The following POLA1 variants were observed in gnomAD, a reference collection of about 807,000 sequenced individuals.
The protein encoded by POLA1 is DNA polymerase alpha 1, catalytic subunit, also known as DNA polymerase alpha catalytic subunit.
A neutral mutation model predicts 124.0 loss-of-function variants in POLA1; 15 were observed. The ratio of observed to expected loss-of-function variants is 0.12; its 90% CI spans 0.08 to 0.19. The LOEUF (loss-of-function observed/expected upper bound fraction) is 0.19, where lower values mean the gene tolerates loss of function less well. Ranked by LOEUF, POLA1 falls within the 10% of genes least tolerant of loss-of-function variation. POLA1 has a pLI of 1.00. For missense variants in POLA1, 886 were observed against 1,103.4 expected (o/e 0.80, Z 2.79); for synonymous variants, 408 against 389.4 (o/e 1.05, Z -0.56).
chrX:24,704,970 A>G lies in POLA1; in HGVS notation c.346+501A>G, dbSNP rs1353444786. Among the ~76,000 whole-genome samples the G allele has an allele frequency of 4.5e-5, 5 of 111,515 alleles. No homozygotes were observed. The Admixed American group carries it at 4.8e-4, about 11-fold the overall frequency. ...TTGGCAATTTTTTTTTGAGTAAACA[A>G]TCCTGATTTAGTTCCTGTAAAATGG... On this transcript the variant is annotated intron_variant, in intron 4 of 36. Transcript: ENST00000379068.
chrX:24,701,778 T>A (rs1014005705), intron 2 of POLA1, among the ~76,000 whole-genome samples: 4 of 102,910 alleles, frequency 3.9e-5, no homozygotes, highest in Non-Finnish European at 5.9e-5. Context: ...TTTTTTTTTT[T>A]AATCTCGCTC....
At chrX:24,788,759 A>G (rs1411369504) in intron 26 of POLA1, 1 of 1,202,917 alleles carries the variant, frequency 8.3e-7, no homozygotes, top group Admixed American at 2.2e-5. Flanking sequence ...ATCAGATCCA[A>G]AGAGGTCAAT....
At chrX:24,880,435 G>A (rs779523043) in intron 34 of POLA1, among the ~76,000 whole-genome samples, 2 of 112,018 alleles carry the variant, frequency 1.8e-5, no homozygotes, top group Non-Finnish European at 3.8e-5. Context: ...GTTAGTTTAT[G>A]TATTTATTTT....
Position 24,724,362 on chromosome X carries a change from A to G in POLA1, c.1228A>G (p.Thr410Ala). 1 of 1,136,381 alleles carries G rather than the reference A, an allele frequency of 8.8e-7. No individual in the cohort carries two copies. The highest frequency in any genetic ancestry group is 1.2e-6 in the Non-Finnish European group (1 of 832,087). The allele number at this position is 1,136,381 out of a possible 1,213,427, so 93.7% of individuals were successfully genotyped here. ...AATTGATCTAAATACGGGGAAAGAA[A>G]CAGGAACTCCAATTTCAATGAAGGA... is the stretch of plus-strand genomic sequence containing the variant. ...MKIDLNTGKE[T>A]GTPISMKDVY... is the part of the protein sequence containing the mutation. The change falls in exon 12 of 37, where the codon ACA becomes GCA. Residue 410 changes from threonine to alanine, a missense_variant. Physicochemically the swap from Thr to Ala is moderately conservative, Grantham distance 58. Transcript: ENST00000379068.
chrX:24,803,012 A>G (rs2045742771), intron 26 of POLA1, among the ~76,000 whole-genome samples: 1 of 111,542 alleles, frequency 9.0e-6, no homozygotes, highest in South Asian at 3.8e-4. Flanking sequence ...AAAAAATAAC[A>G]ATAATAAAAT....
chrX:24,782,768 C>T (rs1010204444), intron 26 of POLA1, among the ~76,000 whole-genome samples: 2 of 111,273 alleles, frequency 1.8e-5, no homozygotes, highest in African/African-American at 6.5e-5. Flanking sequence ...TTACTGATGC[C>T]AAACCCTTAT....
intron 36 of POLA1, among the ~76,000 whole-genome samples, chrX:24,973,817 T>C (rs1264609492): frequency 2.7e-5 from 3 of 111,568 alleles, no homozygotes; most frequent in Non-Finnish European, 3.8e-5. Context: ...ATGTACTGTT[T>C]TCCTAGTTGG....
chrX:24,764,486 C>T (rs1400460062), intron 26 of POLA1, among the ~76,000 whole-genome samples: 1 of 112,014 alleles, frequency 8.9e-6, no homozygotes, highest in Non-Finnish European at 1.9e-5. Flanking sequence ...TGATTTAAAA[C>T]TGATTTTCTT....
chrX:24,882,904 T>A (rs755240740), intron 34 of POLA1, among the ~76,000 whole-genome samples: 1 of 111,885 alleles, frequency 8.9e-6, no homozygotes, highest in Admixed American at 9.5e-5. Context: ...AGCTCTTTTT[T>A]AAGTTCTTTG....
intron 36 of POLA1, among the ~76,000 whole-genome samples, chrX:24,948,350 T>TG (rs1367499052): frequency 5.3e-5 from 3 of 56,774 alleles, no homozygotes; most frequent in Admixed American, 4.1e-4. Flanking sequence ...TGCTACTTTC[T>TG]GTTTTTTTTT....
chrX:24,834,111 G>GAA (rs34596461), intron 32 of POLA1, among the ~76,000 whole-genome samples: 1 of 71,426 alleles, frequency 1.4e-5, no homozygotes, highest in Non-Finnish European at 2.6e-5. Context: ...GTCTCAGAAA[G>GAA]AAAAAAAAAA....
intron 34 of POLA1, among the ~76,000 whole-genome samples, chrX:24,887,356 T>C (rs1378648875): frequency 1.8e-5 from 2 of 112,029 alleles, no homozygotes; most frequent in Non-Finnish European, 3.8e-5. Flanking sequence ...CTCTGGAAAA[T>C]AGTGATCAGT....
At chrX:24,921,336 CAAAT>C (rs1431432335) in intron 35 of POLA1, among the ~76,000 whole-genome samples, 2 of 111,590 alleles carry the variant, frequency 1.8e-5, no homozygotes, top group African/African-American at 6.5e-5. Flanking sequence ...CTAAAACACA[CAAAT>C]AATTCTATTA....
intron 36 of POLA1, among the ~76,000 whole-genome samples, chrX:24,962,065 TTA>T (rs1166621555): frequency 9.0e-6 from 1 of 111,552 alleles, no homozygotes; most frequent in Non-Finnish European, 1.9e-5. Flanking sequence ...TACTGCATCT[TTA>T]TATATATATT....
At chrX:24,714,740 T>G in intron 5 of POLA1, 71 bp downstream of exon 5, 2 of 574,357 alleles carry the variant, frequency 3.5e-6, no homozygotes, top group Non-Finnish European at 5.7e-6. Context: ...ATTATACAGA[T>G]AACAGGTGCT....
At chrX:24,736,521 G>A (rs892708684) in intron 18 of POLA1, among the ~76,000 whole-genome samples, 1 of 111,748 alleles carries the variant, frequency 8.9e-6, no homozygotes, top group African/African-American at 3.3e-5. Context: ...GTCTATGCGT[G>A]AGAAATCTAG....
chrX:24,841,023 G>A (rs2046401702), intron 32 of POLA1, among the ~76,000 whole-genome samples: 2 of 112,095 alleles, frequency 1.8e-5, no homozygotes, highest in Non-Finnish European at 3.8e-5. Flanking sequence ...TTGGTTTCAG[G>A]ATTCTCAGGG....
chrX:24,737,329 G>A (rs1602306926), intron 18 of POLA1, among the ~76,000 whole-genome samples: 1 of 111,180 alleles, frequency 9.0e-6, no homozygotes, highest in South Asian at 3.9e-4. Context: ...ATTTTCCTCC[G>A]AGACCGTAAG....
At chrX:24,789,370 A>G (rs757867084) in intron 26 of POLA1, among the ~76,000 whole-genome samples, 3 of 111,974 alleles carry the variant, frequency 2.7e-5, no homozygotes, top group Non-Finnish European at 5.6e-5. Context: ...ACAATAAACT[A>G]TCCGAAAAAA....
Sources: allele counts gnomAD v4.1 joint callset (sites outside exome capture counted in the v4.1 genomes callset), GRCh38; gene constraint gnomAD v4.1.1; transcripts MANE v1.5; gene names NCBI Gene and HGNC (gene_info 2026-07-23, HGNC 2026-07-21).